PCDHA10: variants seen among roughly 807,000 people sequenced by gnomAD.
PCDHA10 encodes the protein protocadherin alpha-10.
PCDHA10 carries 45 observed loss-of-function variants against 61.2 expected under a neutral mutation model. That is an observed-to-expected ratio of 0.74 (90% CI 0.58 to 0.94). The LOEUF (loss-of-function observed/expected upper bound fraction) is 0.94. PCDHA10 is among the 40% of genes least tolerant of loss of function. The probability of loss-of-function intolerance (pLI) is 0.00; values close to 1 mark genes in which losing one functional copy is unlikely to be tolerated. For missense variants in PCDHA10, 1,278 were observed against 1,236.2 expected, an observed-to-expected ratio of 1.03 and a Z score of -0.51; for synonymous variants, 602 against 548.8, an observed-to-expected ratio of 1.10 and a Z score of -1.35.
At chr5:140,968,166 C>G (rs782037307) in intron 1 of PCDHA10, 1 of 1,614,004 alleles carries the variant, frequency 6.2e-7, no homozygotes, top group Non-Finnish European at 8.5e-7. Flanking sequence ...GACAATCCAC[C>G]AAGCTTCCTG....
rs567582281 is a variant in PCDHA10 at position 140,946,595 on chromosome 5, G to C, written c.2389-32354G>C. ...CTTAGGTGTTCATAGTGGATGAATA[G>C]ATAAAGAAAATGTGAAATATATATA... On this transcript the variant is annotated intron_variant, in intron 1 of 3. Transcript: ENST00000307360. Among the ~76,000 whole-genome samples, 13 of 108,580 alleles carry C rather than the reference G, an allele frequency of 1.2e-4. No homozygotes were observed. In the South Asian group the frequency reaches 1.5e-3, roughly 12 times the overall value. 71.2% of individuals were successfully genotyped at this position (108,580 alleles called of 152,430 possible).
Position 141,000,421 on chromosome 5 carries a change from A to ATTTT in PCDHA10, c.2537-9186_2537-9183dup, listed in dbSNP as rs34755515. ...TATATATATATATATATATATATAT[A>ATTTT]TTTTTTTTTTTTTTTTTTTTTTTGA... On this transcript the variant is annotated intron_variant, in intron 3 of 3. Transcript: ENST00000307360. Among the ~76,000 whole-genome samples the ATTTT allele has an allele frequency of 6.1e-3, 170 of 27,980 alleles. 16 individuals carry two copies. The highest frequency in any genetic ancestry group is 7.4e-3 in the Non-Finnish European group (131 of 17,660). The allele number at this position is 27,980 out of a possible 152,430, so 18.4% of individuals were successfully genotyped here.
intron 1 of PCDHA10, among the ~76,000 whole-genome samples, chr5:140,895,744 G>T (rs534394379): frequency 6.6e-6 from 1 of 152,182 alleles, no homozygotes; most frequent in Admixed American, 6.5e-5. Flanking sequence ...GCTGCAAAGG[G>T]CATGATCTTT....
At chr5:140,895,130 G>A (rs1423440826) in intron 1 of PCDHA10, among the ~76,000 whole-genome samples, 11 of 152,232 alleles carry the variant, frequency 7.2e-5, no homozygotes, top group African/African-American at 2.6e-4. Flanking sequence ...TAGTTGACAA[G>A]TTCATAGGGC....
At chr5:140,877,729 C>G (rs1554170045) in intron 1 of PCDHA10, 2 of 1,614,168 alleles carry the variant, frequency 1.2e-6, no homozygotes, top group South Asian at 2.2e-5. Context: ...TTACTCGCAG[C>G]AGAGGAGGCA....
intron 3 of PCDHA10, among the ~76,000 whole-genome samples, chr5:140,990,611 G>A (rs577900189): frequency 6.6e-6 from 1 of 152,116 alleles, no homozygotes; most frequent in Non-Finnish European, 1.5e-5. Context: ...GATGAATACC[G>A]TAAAGGTCTG....
intron 1 of PCDHA10, among the ~76,000 whole-genome samples, chr5:140,923,753 TG>T (rs1217230498): frequency 6.6e-6 from 1 of 152,174 alleles, no homozygotes; most frequent in Non-Finnish European, 1.5e-5. Context: ...AGGCATATGG[TG>T]GGACAAATCC....
chr5:140,877,563 C>G (rs2057203422), intron 1 of PCDHA10: 2 of 1,613,774 alleles, frequency 1.2e-6, no homozygotes, highest in African/African-American at 1.3e-5. Context: ...TGGATATTAA[C>G]GTGTACCTCA....
chr5:140,929,233 C>T (rs782744711), intron 1 of PCDHA10: 5 of 1,613,786 alleles, frequency 3.1e-6, no homozygotes, highest in Non-Finnish European at 8.5e-7. Flanking sequence ...TGCCGACCTG[C>T]GAAATCTTGC....
chr5:140,966,541 G>A (rs2096018356), intron 1 of PCDHA10: 2 of 462,844 alleles, frequency 4.3e-6, no homozygotes, highest in Admixed American at 4.3e-5. Context: ...TGAGCGACTC[G>A]GAGGCGAGCG....
At chr5:140,902,551 C>G (rs1022882687) in intron 1 of PCDHA10, among the ~76,000 whole-genome samples, 1 of 151,956 alleles carries the variant, frequency 6.6e-6, no homozygotes, top group African/African-American at 2.4e-5. Context: ...CTTCTATACC[C>G]AGATTTTTGA....
At chr5:140,951,170 A>G (rs62384503) in intron 1 of PCDHA10, among the ~76,000 whole-genome samples, 5,911 of 151,952 alleles carry the variant, frequency 0.039, 176 homozygotes, top group Non-Finnish European at 0.057. Flanking sequence ...TAGCTACTTT[A>G]AAGTCATTGT....
chr5:140,885,229 C>A (rs1410460890), intron 1 of PCDHA10, among the ~76,000 whole-genome samples: 2 of 151,932 alleles, frequency 1.3e-5, no homozygotes, highest in African/African-American at 4.8e-5. Context: ...TGTGATTCTG[C>A]TTTCAATTTT....
At position 141,005,728 on chromosome 5, in the gene PCDHA10, A is replaced by T. The variant is rs574255915; in HGVS notation, c.2537-3899A>T. On this transcript the variant is annotated intron_variant, in intron 3 of 3. Coordinates refer to ENST00000307360, the MANE Select transcript of PCDHA10 (RefSeq NM_018901.4). ...AAAAAAAAAAAAAAAAAAAAAAAAA[A>T]AAAGAATGGATGAGAAATCATTCAA... Among the ~76,000 whole-genome samples the T allele has an allele frequency of 1.3e-4, 19 of 150,362 alleles. No homozygotes were observed. The South Asian group carries it at 1.7e-3, about 13-fold the overall frequency.
intron 1 of PCDHA10, among the ~76,000 whole-genome samples, chr5:140,965,939 C>A (rs1554227944): frequency 6.6e-6 from 1 of 152,188 alleles, no homozygotes; most frequent in Admixed American, 6.5e-5. Flanking sequence ...GGAAAGAGGG[C>A]AGCATTTGCC....
intron 3 of PCDHA10, among the ~76,000 whole-genome samples, chr5:140,997,614 A>G (rs1355709943): frequency 6.6e-6 from 1 of 152,148 alleles, no homozygotes; most frequent in Admixed American, 6.6e-5. Context: ...GCATGACTAT[A>G]TAGAGATTTT....
rs370495338 is a variant in PCDHA10 at position 140,857,988 on chromosome 5, T to A, written c.1940T>A (p.Leu647Gln). 1 of 1,596,894 alleles carries A rather than the reference T, an allele frequency of 6.3e-7. No homozygotes were observed. Among genetic ancestry groups the A allele is most frequent in the South Asian group, 1.1e-5 (1 of 90,474 alleles). ...DETDSPRQRL[L>Q]VLVKDHGEPS... ...ACTGACTCGCCACGCCAGCGCCTAC[T>A]GGTGCTGGTGAAGGACCATGGCGAG... The change falls in exon 1 of 4, where the codon CTG (leucine) becomes CAG (glutamine). Residue 647 changes from leucine (L) to glutamine (Q), a missense_variant. Leu to Gln is a moderately radical substitution (Grantham distance 113). Transcript: ENST00000307360.
At chr5:140,981,338 G>A (rs1563488090) in intron 2 of PCDHA10, among the ~76,000 whole-genome samples, 1 of 152,100 alleles carries the variant, frequency 6.6e-6, no homozygotes, top group Non-Finnish European at 1.5e-5. Context: ...CTTTGGGAGG[G>A]TGAGGCAGGT....
chr5:140,880,743 T>C (rs976006299), intron 1 of PCDHA10, among the ~76,000 whole-genome samples: 7 of 152,212 alleles, frequency 4.6e-5, no homozygotes, highest in African/African-American at 1.7e-4. Flanking sequence ...AAATGGATTG[T>C]CAGTGTAACT....
Sources: allele counts gnomAD v4.1 joint callset (sites outside exome capture counted in the v4.1 genomes callset), GRCh38; gene constraint gnomAD v4.1.1; transcripts MANE v1.5; gene names NCBI Gene and HGNC (gene_info 2026-07-23, HGNC 2026-07-21).